The following HTR1F variants were observed in gnomAD, a reference collection of about 807,000 sequenced individuals.
HTR1F encodes the protein 5-hydroxytryptamine (serotonin) receptor 1F, G protein-coupled.
In HTR1F, 17 loss-of-function variants were observed where a neutral mutation model predicts 24.0. The ratio of observed to expected loss-of-function variants is 0.71; its 90% CI spans 0.48 to 1.06. The LOEUF is 1.06. Ranked by LOEUF, HTR1F falls within the 50% of genes least tolerant of loss-of-function variation. The probability of loss-of-function intolerance (pLI) is 0.00; values close to 1 mark genes in which losing one functional copy is unlikely to be tolerated. For synonymous variants in HTR1F, 186 were observed against 156.8 expected (o/e 1.19, Z -1.39); for missense variants, 391 against 427.8 (o/e 0.91, Z 0.76).
intron 2 of HTR1F, among the ~76,000 whole-genome samples, chr3:87,859,675 C>G (rs75496650): frequency 1.4e-4 from 21 of 152,192 alleles, no homozygotes; most frequent in African/African-American, 4.3e-4. Context: ...CTAGGCAGAG[C>G]CTGTGTGCTC....
intron 2 of HTR1F, among the ~76,000 whole-genome samples, chr3:87,926,625 C>T (rs964765998): frequency 6.6e-6 from 1 of 151,876 alleles, no homozygotes; most frequent in Non-Finnish European, 1.5e-5. Context: ...TCTTTTAGTC[C>T]GTGGGAAAAA....
intron 2 of HTR1F, among the ~76,000 whole-genome samples, chr3:87,905,028 A>G (rs1420695191): frequency 6.6e-6 from 1 of 151,918 alleles, no homozygotes; most frequent in Non-Finnish European, 1.5e-5. Flanking sequence ...TTTGTCCAGG[A>G]CTGGTATGGT....
Position 87,917,736 on chromosome 3 carries a change from TA to T in HTR1F, c.-42-72962del, listed in dbSNP as rs145123303. 5.2e-3 allele frequency among the ~76,000 whole-genome samples: 770 copies of T among 148,344 alleles called. 2 individuals carry two copies. Among genetic ancestry groups the T allele is most frequent in the African/African-American group, 0.018 (718 of 40,806 alleles). On this transcript the variant is annotated intron_variant, in intron 2 of 2. Coordinates refer to ENST00000319595, the MANE Select transcript of HTR1F (RefSeq NM_001322209.2). ...ATGGTAATTCAAGAATTAACAACAA[TA>T]AAAAAAAAATGTCCAGGACCAGATG... is the stretch of plus-strand genomic sequence containing the variant.
chr3:87,988,732 A>G (rs1175354273), intron 2 of HTR1F, among the ~76,000 whole-genome samples: 9 of 149,670 alleles, frequency 6.0e-5, no homozygotes, highest in African/African-American at 2.2e-4. Context: ...CCAAGCCCCA[A>G]TAATTTTTTT....
intron 2 of HTR1F, among the ~76,000 whole-genome samples, chr3:87,926,692 C>T (rs1369279202): frequency 2.0e-5 from 3 of 152,008 alleles, no homozygotes; most frequent in Non-Finnish European, 4.4e-5. Flanking sequence ...GATCTTCAAG[C>T]TAGAAAAAAA....
intron 2 of HTR1F, among the ~76,000 whole-genome samples, chr3:87,842,783 T>C (rs1704837500): frequency 6.6e-6 from 1 of 151,964 alleles, no homozygotes; most frequent in Non-Finnish European, 1.5e-5. Flanking sequence ...AAACAACCTT[T>C]TGGCACTTCA....
intron 2 of HTR1F, among the ~76,000 whole-genome samples, chr3:87,824,976 C>G (rs915507326): frequency 6.6e-6 from 1 of 152,150 alleles, no homozygotes; most frequent in Non-Finnish European, 1.5e-5. Flanking sequence ...TTGTGTCTTT[C>G]TTCCCATAGC....
At chr3:87,975,863 TG>T (rs1273555096) in intron 2 of HTR1F, among the ~76,000 whole-genome samples, 1 of 152,246 alleles carries the variant, frequency 6.6e-6, no homozygotes, top group Non-Finnish European at 1.5e-5. Context: ...ACATCTGCCT[TG>T]TGTTGACTGC....
Position 87,846,089 on chromosome 3 carries a change from G to T in HTR1F, c.-43+23965G>T, listed in dbSNP as rs369662280. On this transcript the variant is annotated intron_variant, in intron 2 of 2. Transcript: ENST00000319595. ...TCAGGTGGATCTGAGATTCTTGTAGGGAAGAGAGTAAACAGATAATTAAAA... is the reference window on the plus strand; with the variant it reads ...TCAGGTGGATCTGAGATTCTTGTAGTGAAGAGAGTAAACAGATAATTAAAA... Among the ~76,000 whole-genome samples the T allele has an allele frequency of 4.0e-5, 6 of 151,774 alleles. No homozygotes were observed. The East Asian group carries it at 1.2e-3, about 29-fold the overall frequency.
At chr3:87,968,291 C>T (rs1167665461) in intron 2 of HTR1F, among the ~76,000 whole-genome samples, 3 of 152,064 alleles carry the variant, frequency 2.0e-5, no homozygotes, top group Non-Finnish European at 2.9e-5. Context: ...TGGCTCACTG[C>T]AACCTCCAGC....
chr3:87,826,027 T>C (rs1704454927), intron 2 of HTR1F, among the ~76,000 whole-genome samples: 1 of 152,240 alleles, frequency 6.6e-6, no homozygotes, highest in Non-Finnish European at 1.5e-5. Context: ...AGATCATGTG[T>C]ATTAAAAAAT....
chr3:87,956,847 T>G (rs1704955276), intron 2 of HTR1F, among the ~76,000 whole-genome samples: 1 of 151,464 alleles, frequency 6.6e-6, no homozygotes, highest in South Asian at 2.1e-4. Flanking sequence ...AAAATTCGCT[T>G]ACTTTAATAG....
chr3:87,967,638 T>C (rs772697854), intron 2 of HTR1F, among the ~76,000 whole-genome samples: 34 of 151,956 alleles, frequency 2.2e-4, no homozygotes, highest in Middle Eastern at 3.4e-3. Context: ...AGTGAAAAAA[T>C]GTCACGAGAT....
At chr3:87,848,444 T>C (rs902432136) in intron 2 of HTR1F, among the ~76,000 whole-genome samples, 17 of 151,888 alleles carry the variant, frequency 1.1e-4, no homozygotes, top group Admixed American at 6.6e-5. Flanking sequence ...TGCAAATTTT[T>C]TCCCCTTCAA....
At chr3:87,924,526 TAAGA>T (rs933171329) in intron 2 of HTR1F, among the ~76,000 whole-genome samples, 1 of 152,164 alleles carries the variant, frequency 6.6e-6, no homozygotes, top group African/African-American at 2.4e-5. Context: ...CTTCCAGATC[TAAGA>T]GTTTCTTAAG....
chr3:87,920,914 T>G (rs1338792639), intron 2 of HTR1F, among the ~76,000 whole-genome samples: 1 of 152,054 alleles, frequency 6.6e-6, no homozygotes, highest in African/African-American at 2.4e-5. Context: ...CTAACTAAGA[T>G]GATACTATGT....
chr3:87,884,315 A>G (rs1705883916), intron 2 of HTR1F, among the ~76,000 whole-genome samples: 1 of 151,982 alleles, frequency 6.6e-6, no homozygotes, highest in African/African-American at 2.4e-5. Flanking sequence ...TCACCACCCG[A>G]TTTTGTCCTG....
chr3:87,901,126 A>C (rs1351126611), intron 2 of HTR1F, among the ~76,000 whole-genome samples: 1 of 152,168 alleles, frequency 6.6e-6, no homozygotes, highest in East Asian at 1.9e-4. Flanking sequence ...TTAGAGTACA[A>C]TTATACTGGC....
chr3:87,815,542 A>C (rs561302886), intron 1 of HTR1F, among the ~76,000 whole-genome samples: 43 of 152,218 alleles, frequency 2.8e-4, no homozygotes, highest in African/African-American at 9.9e-4. Context: ...TGATATTAAA[A>C]AGAAAGCATC....
Sources: gnomAD v4.1 joint callset for allele counts (sites outside exome capture counted in the v4.1 genomes callset) on GRCh38, gnomAD v4.1.1 for gene constraint, MANE v1.5 for transcripts, NCBI Gene and HGNC (gene_info 2026-07-23, HGNC 2026-07-21) for gene names.